The following PARPBP variants were observed in gnomAD, a reference collection of about 807,000 sequenced individuals.
The protein encoded by PARPBP is PARP1 binding protein.
A neutral mutation model predicts 50.0 loss-of-function variants in PARPBP; 52 were observed. The observed-to-expected ratio is 1.04, with a 90% confidence interval of 0.83 to 1.31. PARPBP has a LOEUF of 1.31. PARPBP is among the 50% of genes most tolerant of loss of function. The pLI, the probability that PARPBP is intolerant of heterozygous loss-of-function variation, is 0.00. For missense variants in PARPBP, 697 were observed against 672.0 expected (o/e 1.04, Z -0.41); for synonymous variants, 244 against 232.1 (o/e 1.05, Z -0.47).
chr12:102,138,865 C>G lies in PARPBP; in HGVS notation c.154-9365C>G, dbSNP rs139864578. 1.3e-3 allele frequency among the ~76,000 whole-genome samples: 191 copies of G among 152,178 alleles called. 1 individual carries two copies. The highest frequency in any genetic ancestry group is 3.9e-3 in the African/African-American group (163 of 41,534). ...GATCTATATCTCTGTTTTGGTACCA[C>G]TACCATGCTGTTTTGGTTACTGTAG... On this transcript the variant is annotated intron_variant, in intron 2 of 10. Coordinates refer to ENST00000327680, the MANE Select transcript of PARPBP (RefSeq NM_017915.5).
chr12:102,175,518 T>C lies in PARPBP; in HGVS notation c.857T>C (p.Met286Thr), dbSNP rs1233529208. The stretch of plus-strand genomic sequence containing the variant: ...GGTCAAATACTGTCAGTGATAAAGA[T>C]GCAACTGATTAAAGGCCAAAACAGC... ...AGGQILSVIK[M>T]QLIKGQNSRD... is the part of the protein sequence containing the mutation. Residue 286 changes from methionine (M) to threonine (T), a missense_variant, in exon 7 of 11, where the codon ATG (methionine) becomes ACG (threonine). Transcript: ENST00000327680. 6.2e-7 allele frequency: 1 copy of C among 1,613,798 alleles called. No homozygotes were observed. Among genetic ancestry groups the C allele is most frequent in the Non-Finnish European group, 8.5e-7 (1 of 1,179,740 alleles).
chr12:102,128,655 G>A (rs2137257886), intron 2 of PARPBP, among the ~76,000 whole-genome samples: 1 of 152,272 alleles, frequency 6.6e-6, no homozygotes, highest in East Asian at 1.9e-4. Flanking sequence ...CAAATGACAG[G>A]ATTTCTCTCT....
chr12:102,163,927 A>G (rs1007484963), intron 4 of PARPBP, among the ~76,000 whole-genome samples: 2 of 152,134 alleles, frequency 1.3e-5, no homozygotes, highest in Non-Finnish European at 2.9e-5. Context: ...ATCTAGGTCT[A>G]CTTGGTGACA....
chr12:102,134,542 A>G (rs994452569), intron 2 of PARPBP, among the ~76,000 whole-genome samples: 3 of 152,148 alleles, frequency 2.0e-5, no homozygotes, highest in African/African-American at 7.2e-5. Context: ...ACTAATACCA[A>G]TCCTTCTCAA....
intron 2 of PARPBP, among the ~76,000 whole-genome samples, chr12:102,139,804 G>A (rs935331026): frequency 6.6e-6 from 1 of 152,170 alleles, no homozygotes; most frequent in Admixed American, 6.5e-5. Flanking sequence ...TGTGTATGTT[G>A]AACCAGGCTT....
At chr12:102,127,915 A>G (rs1233423129) in intron 2 of PARPBP, among the ~76,000 whole-genome samples, 3 of 152,188 alleles carry the variant, frequency 2.0e-5, no homozygotes, top group Non-Finnish European at 2.9e-5. Flanking sequence ...AATTGACAAA[A>G]AATTGTATTT....
At chr12:102,135,266 C>T (rs1340590971) in intron 2 of PARPBP, among the ~76,000 whole-genome samples, 4 of 151,788 alleles carry the variant, frequency 2.6e-5, no homozygotes, top group African/African-American at 7.3e-5. Flanking sequence ...AAATGTGGGC[C>T]GGGCATGGTG....
intron 1 of PARPBP, among the ~76,000 whole-genome samples, chr12:102,122,658 T>C (rs1437381543): frequency 6.6e-6 from 1 of 152,208 alleles, no homozygotes; most frequent in Admixed American, 6.5e-5. Flanking sequence ...CTACCTCAAA[T>C]TATTTTGAAA....
At chr12:102,161,625 C>T (rs1349131096) in intron 4 of PARPBP, among the ~76,000 whole-genome samples, 2 of 151,816 alleles carry the variant, frequency 1.3e-5, no homozygotes, top group Admixed American at 6.6e-5. Context: ...GATTAAGAAA[C>T]GTTATCAGAA....
At chr12:102,140,931 G>A (rs1322384204) in intron 2 of PARPBP, among the ~76,000 whole-genome samples, 8 of 152,180 alleles carry the variant, frequency 5.3e-5, no homozygotes, top group African/African-American at 1.7e-4. Context: ...AATAAGTGCG[G>A]TGTGGTGCTG....
intron 2 of PARPBP, among the ~76,000 whole-genome samples, chr12:102,126,787 A>T (rs1304861227): frequency 6.6e-6 from 1 of 152,188 alleles, no homozygotes; most frequent in Non-Finnish European, 1.5e-5. Flanking sequence ...AAAATAAATA[A>T]ATAAAATAAA....
chr12:102,143,407 G>A (rs1378094883), intron 2 of PARPBP, among the ~76,000 whole-genome samples: 1 of 152,214 alleles, frequency 6.6e-6, no homozygotes, highest in Non-Finnish European at 1.5e-5. Flanking sequence ...GGCTAGGAAA[G>A]GGAATTCCCC....
At chr12:102,194,946 G>T (rs1415297286) in intron 9 of PARPBP, among the ~76,000 whole-genome samples, 2 of 150,764 alleles carry the variant, frequency 1.3e-5, no homozygotes, top group East Asian at 3.9e-4. Context: ...ATTTTTCTAT[G>T]ATTATGTATA....
chr12:102,136,241 G>C (rs1456061281), intron 2 of PARPBP, among the ~76,000 whole-genome samples: 2 of 152,142 alleles, frequency 1.3e-5, no homozygotes, highest in Non-Finnish European at 2.9e-5. Flanking sequence ...TGGATTATGA[G>C]AATATTGAAT....
intron 3 of PARPBP, chr12:102,148,800 C>T (rs1594514781): frequency 5.0e-6 from 1 of 199,272 alleles, no homozygotes; most frequent in East Asian, 1.3e-4. Flanking sequence ...ATTTAATGTG[C>T]ATCTGTTCAT....
chr12:102,149,341 A>G (rs535487663), intron 3 of PARPBP, among the ~76,000 whole-genome samples: 1 of 152,338 alleles, frequency 6.6e-6, no homozygotes, highest in South Asian at 2.1e-4. Flanking sequence ...AAAGATATGC[A>G]ACCAAGACTG....
chr12:102,150,403 A>G (rs1886033040), intron 3 of PARPBP: 1 of 351,096 alleles, frequency 2.8e-6, no homozygotes. Context: ...ACAGTTTTGA[A>G]TGTCATGATC....
At position 102,178,811 on chromosome 12, in the gene PARPBP, C is replaced by A; in HGVS notation, c.1184+41C>A. On this transcript the variant is annotated intron_variant, in intron 8 of 10. Transcript: ENST00000327680. ...GTTATATGTGTTATAAATGTTAACT[C>A]TAGAGAATTATAAAAGAAATGTATG... 4.8e-6 allele frequency: 6 copies of A among 1,260,820 alleles called. No homozygotes were observed. In the South Asian group the frequency reaches 7.5e-5, roughly 16 times the overall value. The allele number at this position is 1,260,820 out of a possible 1,614,324, so 78.1% of individuals were successfully genotyped here.
chr12:102,193,173 A>G (rs1040091598), intron 9 of PARPBP, among the ~76,000 whole-genome samples: 24 of 151,928 alleles, frequency 1.6e-4, no homozygotes, highest in East Asian at 5.8e-4. Context: ...AAGGAGAGCT[A>G]TTGCGCTTAT....
Sources: allele counts gnomAD v4.1 joint callset (sites outside exome capture counted in the v4.1 genomes callset), GRCh38; gene constraint gnomAD v4.1.1; transcripts MANE v1.5; gene names NCBI Gene and HGNC (gene_info 2026-07-23, HGNC 2026-07-21).